The following GPR89A variants were observed in gnomAD, a reference collection of about 807,000 sequenced individuals.
The protein encoded by GPR89A is golgi pH regulator A, also known as G protein-coupled receptor 89A.
In GPR89A, 16 loss-of-function variants were observed where a neutral mutation model predicts 52.0. The observed-to-expected ratio is 0.31, with a 90% CI of 0.21 to 0.47. The LOEUF is 0.47. Among genes scored for constraint, GPR89A ranks in the 20% least tolerant of loss-of-function variants. GPR89A has a pLI of 1.00. For missense variants in GPR89A, 135 were observed against 449.4 expected (o/e 0.30, Z 6.33); for synonymous variants, 55 against 150.9 (o/e 0.36, Z 4.66).
intron 8 of GPR89A, 118 bp downstream of exon 8, chr1:145,644,096 C>CT (rs1650832662): frequency 2.0e-5 from 1 of 49,238 alleles, no homozygotes; most frequent in Admixed American, 2.3e-4. Flanking sequence ...GTCCAAACTC[C>CT]TAAGAGCTAG....
rs1418776146 is a variant in GPR89A at position 145,608,165 on chromosome 1, T to C, written c.32T>C (p.Ile11Thr). 3.1e-6 allele frequency: 5 copies of C among 1,613,776 alleles called. No individual in the cohort carries two copies. The East Asian group carries it at 8.9e-5, about 29-fold the overall frequency. MSFLIDSSIMITSQILFFGFG... is the reference protein window; with the variant it reads MSFLIDSSIMTTSQILFFGFG... ...TTCCTCATCGACTCCAGCATCATGA[T>C]TACCTCCCAGGTGAGTCACCGCCTC... Residue 11 changes from isoleucine (I) to threonine (T), a missense_variant, in exon 1 of 14, where the codon ATT (isoleucine) becomes ACT (threonine). Ile to Thr is a moderately conservative substitution (Grantham distance 89). Around this residue, in one of 10 missense-constraint regions of GPR89A, gnomAD observed 38 missense variants for 40.2 expected, o/e 0.95. Transcript: ENST00000313835.
rs587678975 is a variant in GPR89A at position 145,610,179 on chromosome 1, T to C, written c.42+2004T>C. 7.7e-3 allele frequency among the ~76,000 whole-genome samples: 1,172 copies of C among 152,024 alleles called. 12 individuals carry two copies. The highest frequency in any genetic ancestry group is 0.027 in the African/African-American group (1,113 of 41,436). On this transcript the variant is annotated intron_variant, in intron 1 of 13. Coordinates refer to ENST00000313835, the MANE Select transcript of GPR89A (RefSeq NM_001097612.2). Reference sequence around the variant, plus strand: ...AAAGCACCTCTCTAGAGAGGTGTGGTTACCTTGGAAACACCACCATTGCCC... The same window carrying C: ...AAAGCACCTCTCTAGAGAGGTGTGGCTACCTTGGAAACACCACCATTGCCC...
At chr1:145,649,225 T>G (rs1651275800) in intron 10 of GPR89A, among the ~76,000 whole-genome samples, 1 of 151,578 alleles carries the variant, frequency 6.6e-6, no homozygotes, top group Non-Finnish European at 1.5e-5. Context: ...ATCACCACGG[T>G]CAAGACAGAG....
Position 145,647,843 on chromosome 1 carries a change from TC to T in GPR89A, c.909+578del, listed in dbSNP as rs1406334681. Among the ~76,000 whole-genome samples, 108 of 16,754 alleles carry T rather than the reference TC, an allele frequency of 6.4e-3. 11 individuals are homozygous for T. Among genetic ancestry groups the T allele is most frequent in the South Asian group, 7.6e-3 (2 of 262 alleles). 11.0% of individuals were successfully genotyped at this position (16,754 alleles called of 152,430 possible). A position where few individuals can be genotyped will look rare whatever the true frequency, so the allele number is the denominator to read the frequency against. ...TCGTCGTCGACTCTCTCTCTCTCTC[TC>T]CTCCTCCTCTCTCTCTCTCTCTCTC... On this transcript the variant is annotated intron_variant, in intron 10 of 13. Transcript: ENST00000313835.
At chr1:145,639,309 A>C (rs1443510667) in intron 7 of GPR89A, among the ~76,000 whole-genome samples, 1 of 152,018 alleles carries the variant, frequency 6.6e-6, no homozygotes, top group Non-Finnish European at 1.5e-5. Context: ...AGGCAAAATA[A>C]CTAGAATAGT....
At chr1:145,610,517 T>G in intron 1 of GPR89A, among the ~76,000 whole-genome samples, 1 of 152,268 alleles carries the variant, frequency 6.6e-6, no homozygotes, top group East Asian at 1.9e-4. Context: ...ATCCCTCCCC[T>G]TCTTTAAGCC....
chr1:145,610,656 G>A (rs1453855349), intron 1 of GPR89A, among the ~76,000 whole-genome samples: 1 of 152,052 alleles, frequency 6.6e-6, no homozygotes, highest in African/African-American at 2.4e-5. Flanking sequence ...GTAATTACTT[G>A]TTTATCTCCT....
At chr1:145,662,689 C>T (rs1179549292) in intron 10 of GPR89A, among the ~76,000 whole-genome samples, 3 of 152,142 alleles carry the variant, frequency 2.0e-5, no homozygotes, top group African/African-American at 7.2e-5. Context: ...TCTGTGGCTG[C>T]TGTCACACTC....
chr1:145,608,419 C>T (rs1553685440), intron 1 of GPR89A: 1 of 723,912 alleles, frequency 1.4e-6, no homozygotes, highest in Admixed American at 2.5e-5. Context: ...AATTTCGGTC[C>T]ACTTTTGGAA....
At chr1:145,619,954 G>T (rs1301003781) in intron 3 of GPR89A, among the ~76,000 whole-genome samples, 1 of 152,038 alleles carries the variant, frequency 6.6e-6, no homozygotes, top group Non-Finnish European at 1.5e-5. Context: ...GGCAGAGCTT[G>T]CAGTGAGCCG....
intron 1 of GPR89A, among the ~76,000 whole-genome samples, chr1:145,613,839 T>G (rs1284989096): frequency 6.6e-6 from 1 of 151,782 alleles, no homozygotes; most frequent in Non-Finnish European, 1.5e-5. Context: ...CAGGCTGGAA[T>G]GCAGTGACAT....
chr1:145,613,200 C>G (rs1389479915), intron 1 of GPR89A, among the ~76,000 whole-genome samples: 4 of 151,292 alleles, frequency 2.6e-5, no homozygotes, highest in Non-Finnish European at 5.9e-5. Flanking sequence ...CCTCTGCCCC[C>G]TTTCCTAAAC....
At chr1:145,630,078 G>A (rs1329971301) in intron 5 of GPR89A, among the ~76,000 whole-genome samples, 2 of 151,420 alleles carry the variant, frequency 1.3e-5, no homozygotes, top group African/African-American at 2.4e-5. Flanking sequence ...CTGCTAAGTT[G>A]ATTTTCAGCA....
rs1375457494 is a variant in GPR89A, at chr1:145,653,574, T to A, written c.909+6307T>A. Among the ~76,000 whole-genome samples the A allele has an allele frequency of 2.9e-5, 4 of 135,616 alleles. No individual in the cohort carries two copies. In the East Asian group the frequency reaches 6.2e-4, roughly 21 times the overall value. The allele number at this position is 135,616 out of a possible 152,430, so 89.0% of individuals were successfully genotyped here. On this transcript the variant is annotated intron_variant, in intron 10 of 13. Transcript: ENST00000313835. The stretch of plus-strand genomic sequence containing the variant: ...CTGTGTAACATTGACTGTGGGGTGT[T>A]AATGTCTCCCACTATTATTATGTGA...
In GPR89A at chr1:145,611,036, A is replaced by G. The variant is rs1648233724; in HGVS notation, c.42+2861A>G. On this transcript the variant is annotated intron_variant, in intron 1 of 13. Coordinates refer to ENST00000313835, the MANE Select transcript of GPR89A (RefSeq NM_001097612.2). ...CAAGTCTCATTTTTAATAAGAAGCT[A>G]TACGCCTTCCATTTTATTTGCAAAG... Among the ~76,000 whole-genome samples, 4 of 152,242 alleles carry G rather than the reference A, an allele frequency of 2.6e-5. No homozygotes were observed. In the South Asian group the frequency reaches 8.3e-4, roughly 32 times the overall value.
intron 7 of GPR89A, among the ~76,000 whole-genome samples, chr1:145,635,502 CGT>C (rs1650174438): frequency 6.6e-6 from 1 of 151,998 alleles, no homozygotes; most frequent in African/African-American, 2.4e-5. Context: ...AAGGTAGACA[CGT>C]GTATAATTTA....
Position 145,622,957 on chromosome 1 carries a change from T to G in GPR89A, c.207-97T>G. ...TGATTAGATAGGATATATTCAATATTGAGTCCAAAGAGCAAAAGGACCCTT... is the reference window on the plus strand; with the variant it reads ...TGATTAGATAGGATATATTCAATATGGAGTCCAAAGAGCAAAAGGACCCTT... On this transcript the variant is annotated intron_variant, in intron 3 of 13. Transcript: ENST00000313835. The G allele has an allele frequency of 6.9e-6, 11 of 1,587,438 alleles. No homozygotes were observed. In the South Asian group the frequency reaches 1.3e-4, roughly 18 times the overall value.
chr1:145,613,126 C>G (rs1197660274), intron 1 of GPR89A, among the ~76,000 whole-genome samples: 2 of 151,084 alleles, frequency 1.3e-5, no homozygotes, highest in African/African-American at 4.9e-5. Context: ...ATATCTTGAT[C>G]CATCTTGCTG....
chr1:145,656,689 G>A (rs1466539197), intron 10 of GPR89A, among the ~76,000 whole-genome samples: 2 of 151,938 alleles, frequency 1.3e-5, no homozygotes, highest in Non-Finnish European at 2.9e-5. Flanking sequence ...TTTTTCTCCT[G>A]CTCCTTCTCC....
Sources: allele counts gnomAD v4.1 joint callset (sites outside exome capture counted in the v4.1 genomes callset), GRCh38; gene constraint gnomAD v4.1.1; regional missense constraint gnomAD v4.1.1; transcripts MANE v1.5; gene names NCBI Gene and HGNC (gene_info 2026-07-23, HGNC 2026-07-21).